The following NWD2 variants were observed in gnomAD, a reference collection of about 807,000 sequenced individuals.
The protein encoded by NWD2 is NACHT and WD repeat domain containing 2, also known as NACHT and WD repeat domain-containing protein 2.
In NWD2, 37 loss-of-function variants were observed where a neutral mutation model predicts 132.7. That is an observed-to-expected ratio of 0.28 (90% CI 0.21 to 0.37). The LOEUF is 0.37. Ranked by LOEUF, NWD2 falls within the 10% of genes least tolerant of loss-of-function variation. The probability of loss-of-function intolerance (pLI) is 1.00; values close to 1 mark genes in which losing one functional copy is unlikely to be tolerated. For missense variants in NWD2, 1,592 were observed against 2,122.4 expected (o/e 0.75, Z 4.91); for synonymous variants, 705 against 803.0 (o/e 0.88, Z 2.06).
chr4:37,341,521 C>T (rs562739879), intron 2 of NWD2, among the ~76,000 whole-genome samples: 30 of 152,258 alleles, frequency 2.0e-4, no homozygotes, highest in African/African-American at 6.5e-4. Context: ...ACAATGAAGG[C>T]AAACATGACA....
At chr4:37,331,737 C>T (rs908076454) in intron 2 of NWD2, among the ~76,000 whole-genome samples, 5 of 152,130 alleles carry the variant, frequency 3.3e-5, no homozygotes, top group Admixed American at 3.3e-4. Flanking sequence ...GTGAGTGATC[C>T]CAGTACCTGG....
At chr4:37,341,002 G>T (rs1395427909) in intron 2 of NWD2, among the ~76,000 whole-genome samples, 3 of 152,198 alleles carry the variant, frequency 2.0e-5, no homozygotes, top group Non-Finnish European at 4.4e-5. Flanking sequence ...AGCCTCGTTT[G>T]TTCTCACATT....
At chr4:37,379,072 C>A (rs1560408336) in intron 3 of NWD2, among the ~76,000 whole-genome samples, 1 of 152,184 alleles carries the variant, frequency 6.6e-6, no homozygotes, top group South Asian at 2.1e-4. Context: ...TCCTCACTTA[C>A]CCCACTCAAC....
chr4:37,315,570 C>T (rs979565073), intron 1 of NWD2, among the ~76,000 whole-genome samples: 6 of 151,950 alleles, frequency 3.9e-5, no homozygotes, highest in Non-Finnish European at 7.4e-5. Context: ...TTACTTTCAA[C>T]ATATTTGTGG....
chr4:37,308,492 G>A lies in NWD2; in HGVS notation c.152-17444G>A, dbSNP rs28546597. ...CTTGGAGGGGTATGCTGGTCAGGGCGGCAGTCATTAGTGGCAGCAGCCATT... is the reference window on the plus strand; with the variant it reads ...CTTGGAGGGGTATGCTGGTCAGGGCAGCAGTCATTAGTGGCAGCAGCCATT... On this transcript the variant is annotated intron_variant, in intron 1 of 6. Coordinates refer to ENST00000309447, the MANE Select transcript of NWD2 (RefSeq NM_001144990.2). 1.7e-4 allele frequency among the ~76,000 whole-genome samples: 26 copies of A among 152,262 alleles called. No individual in the cohort carries two copies. In the South Asian group the frequency reaches 3.3e-3, roughly 19 times the overall value.
At chr4:37,347,316 T>C (rs1485017148) in intron 2 of NWD2, among the ~76,000 whole-genome samples, 4 of 152,160 alleles carry the variant, frequency 2.6e-5, no homozygotes. Flanking sequence ...CATAGACATA[T>C]GTTCTAATTT....
chr4:37,267,830 G>T (rs891549000), intron 1 of NWD2, among the ~76,000 whole-genome samples: 12 of 151,940 alleles, frequency 7.9e-5, no homozygotes, highest in Middle Eastern at 6.8e-3. Flanking sequence ...CATGTCTGTT[G>T]AGGGGGAAAA....
chr4:37,308,990 A>G (rs1192772911), intron 1 of NWD2, among the ~76,000 whole-genome samples: 1 of 152,082 alleles, frequency 6.6e-6, no homozygotes, highest in South Asian at 2.1e-4. Context: ...CAGACATCAG[A>G]TAAGACAGTC....
Position 37,444,927 on chromosome 4 carries a change from G to T in NWD2, c.2939G>T (p.Ser980Ile). ...GAGATCCTGCCTACCTGTAACCCCA[G>T]CACTGTCCTCACAGCTTTAGAAAAT... Reference protein sequence around the residue: ...VTEILPTCNPSTVLTALENGS... With the variant: ...VTEILPTCNPITVLTALENGS... The change falls in exon 7 of 7, where the codon AGC (serine) becomes ATC (isoleucine). Residue 980 changes from serine (S) to isoleucine (I), a missense_variant. This residue lies in a region of NWD2 where 1,071 missense variants were observed against 1,398.0 expected (regional missense o/e 0.77). Coordinates refer to ENST00000309447, the MANE Select transcript of NWD2 (RefSeq NM_001144990.2). This position sits in a 1 kb window ranked among gnomAD's most constrained non-coding sequence, Gnocchi z 4.8. 1 of 1,552,282 alleles carries T rather than the reference G, an allele frequency of 6.4e-7. No homozygotes were observed. Among genetic ancestry groups the T allele is most frequent in the Non-Finnish European group, 8.7e-7 (1 of 1,147,148 alleles).
chr4:37,282,736 G>A (rs1374829768), intron 1 of NWD2, among the ~76,000 whole-genome samples: 1 of 152,118 alleles, frequency 6.6e-6, no homozygotes, highest in Non-Finnish European at 1.5e-5. Flanking sequence ...AAGATAGTGA[G>A]TAAAGCTACA....
chr4:37,444,295 G>A lies in NWD2; in HGVS notation c.2307G>A (p.Gly769=), dbSNP rs1325472836. The A allele has an allele frequency of 1.3e-6, 2 of 1,551,684 alleles. No individual in the cohort carries two copies. Among genetic ancestry groups the A allele is most frequent in the South Asian group, 1.2e-5 (1 of 84,050 alleles). The stretch of plus-strand genomic sequence containing the variant: ...ATTATTTTCTGGGGGTTTGGTCAGG[G>A]GGCAGGAGGAAAGCCTTCTGCCTTG... ...LADYFLGVWS[G]GRRKAFCLED... Residue 769 remains glycine, a synonymous_variant, in exon 7 of 7, where the codon GGG becomes GGA. Transcript: ENST00000309447. The surrounding 1 kb of genome is among the most constrained non-coding windows in gnomAD (Gnocchi z 4.8).
At chr4:37,299,201 A>G (rs1257968035) in intron 1 of NWD2, among the ~76,000 whole-genome samples, 2 of 152,176 alleles carry the variant, frequency 1.3e-5, no homozygotes, top group Non-Finnish European at 2.9e-5. Flanking sequence ...TCTGTAATAC[A>G]AAACATTTCC....
chr4:37,273,467 C>T (rs1717915481), intron 1 of NWD2, among the ~76,000 whole-genome samples: 1 of 152,002 alleles, frequency 6.6e-6, no homozygotes, highest in African/African-American at 2.4e-5. Context: ...TTTAGACTCC[C>T]ACACAATAAT....
rs573881761 is a variant in NWD2, at chr4:37,256,895, G to A, written c.151+11677G>A. 9.9e-5 allele frequency among the ~76,000 whole-genome samples: 15 copies of A among 152,220 alleles called. No individual in the cohort carries two copies. In the South Asian group the frequency reaches 3.1e-3, roughly 32 times the overall value. ...TGGAAATTTAGGGTTTTGCAATCTG[G>A]CCCTAGAAATTTGGGGCTCTCTTAT... On this transcript the variant is annotated intron_variant, in intron 1 of 6. Coordinates refer to ENST00000309447, the MANE Select transcript of NWD2 (RefSeq NM_001144990.2).
intron 1 of NWD2, among the ~76,000 whole-genome samples, chr4:37,323,937 G>C (rs747796075): frequency 2.0e-5 from 3 of 151,794 alleles, no homozygotes; most frequent in Non-Finnish European, 4.4e-5. Flanking sequence ...ATTAATGCAG[G>C]AACAGAAAAC....
intron 1 of NWD2, among the ~76,000 whole-genome samples, chr4:37,259,733 C>T (rs1717590979): frequency 6.6e-6 from 1 of 152,130 alleles, no homozygotes; most frequent in Non-Finnish European, 1.5e-5. Context: ...AGAGTTCCCA[C>T]CCCTGGAGAC....
chr4:37,282,524 T>C (rs1718149283), intron 1 of NWD2, among the ~76,000 whole-genome samples: 1 of 152,188 alleles, frequency 6.6e-6, no homozygotes, highest in Admixed American at 6.5e-5. Context: ...ATCAGATCCA[T>C]TGACCTTCCA....
At position 37,394,806 on chromosome 4, in the gene NWD2, T is replaced by TTTTTTG. The variant is rs1553897362; in HGVS notation, c.358-35761_358-35760insGTTTTT. On this transcript the variant is annotated intron_variant, in intron 3 of 6. Coordinates refer to ENST00000309447, the MANE Select transcript of NWD2 (RefSeq NM_001144990.2). ...CTATAGTGAACCTTTATGGTTTTTT[T>TTTTTTG]TTTTTTTTTTTTTTTTTTTTTTGAG... Among the ~76,000 whole-genome samples the TTTTTTG allele has an allele frequency of 5.9e-3, 590 of 100,518 alleles. 31 individuals are homozygous for TTTTTTG. Among genetic ancestry groups the TTTTTTG allele is most frequent in the Admixed American group, 0.025 (215 of 8,700 alleles). 65.9% of individuals were successfully genotyped at this position (100,518 alleles called of 152,430 possible).
intron 1 of NWD2, among the ~76,000 whole-genome samples, chr4:37,270,659 G>T (rs1717852880): frequency 6.6e-6 from 1 of 151,724 alleles, no homozygotes; most frequent in African/African-American, 2.4e-5. Flanking sequence ...TATATATTCT[G>T]GGTGTGAGTC....
Sources: allele counts gnomAD v4.1 joint callset (sites outside exome capture counted in the v4.1 genomes callset), GRCh38; gene constraint gnomAD v4.1.1; regional missense constraint gnomAD v4.1.1; non-coding constraint Gnocchi (gnomAD v3.1); transcripts MANE v1.5; gene names NCBI Gene and HGNC (gene_info 2026-07-23, HGNC 2026-07-21).